Variants in FGGY observed in about 807,000 individuals in gnomAD.
FGGY encodes the protein FGGY carbohydrate kinase domain-containing protein.
FGGY carries 72 observed loss-of-function variants against 71.3 expected under a neutral mutation model. The observed-to-expected ratio is 1.01, with a 90% CI of 0.84 to 1.23. The LOEUF (loss-of-function observed/expected upper bound fraction) is 1.23. FGGY is among the 50% of genes most tolerant of loss of function. The probability of loss-of-function intolerance (pLI) is 0.00; values close to 1 mark genes in which losing one functional copy is unlikely to be tolerated. For missense variants in FGGY, 668 were observed against 682.3 expected, an observed-to-expected ratio of 0.98 and a Z score of 0.23; for synonymous variants, 251 against 250.3, an observed-to-expected ratio of 1.00 and a Z score of -0.02.
At chr1:59,508,545 C>T (rs1158705131) in intron 6 of FGGY, among the ~76,000 whole-genome samples, 1 of 152,202 alleles carries the variant, frequency 6.6e-6, no homozygotes, top group African/African-American at 2.4e-5. Flanking sequence ...ATGTTTGCCT[C>T]TGACAGCTCT....
chr1:59,686,513 T>A (rs542372208), intron 14 of FGGY, among the ~76,000 whole-genome samples: 1 of 152,332 alleles, frequency 6.6e-6, no homozygotes, highest in Admixed American at 6.5e-5. Context: ...TGTATTTTTT[T>A]CTCCATTTGG....
At chr1:59,461,085 A>C (rs2092162436) in intron 6 of FGGY, among the ~76,000 whole-genome samples, 1 of 152,244 alleles carries the variant, frequency 6.6e-6, no homozygotes, top group Non-Finnish European at 1.5e-5. Flanking sequence ...GAGTTGACAG[A>C]AGTAGGCTTC....
chr1:59,428,815 A>G (rs2066837238), intron 5 of FGGY, among the ~76,000 whole-genome samples: 2 of 152,214 alleles, frequency 1.3e-5, no homozygotes, highest in Non-Finnish European at 2.9e-5. Flanking sequence ...TGGTTTTGGT[A>G]CAAGTGAGTC....
rs559049747 is a variant in FGGY, at chr1:59,587,707, C to G, written c.904-20096C>G. 9.6e-4 allele frequency among the ~76,000 whole-genome samples: 146 copies of G among 152,304 alleles called. 1 individual carries two copies. The highest frequency in any genetic ancestry group is 1.9e-3 in the Admixed American group (29 of 15,306). On this transcript the variant is annotated intron_variant, in intron 8 of 15. Transcript: ENST00000303721. ...AACAGGGTCTGGAGTGGACCTCTAG[C>G]AAACTCCAACAGACCTGCAGCTGAG...
chr1:59,644,263 A>G (rs1428213865), intron 11 of FGGY, among the ~76,000 whole-genome samples: 1 of 152,212 alleles, frequency 6.6e-6, no homozygotes, highest in Non-Finnish European at 1.5e-5. Context: ...GGAACAGGAC[A>G]TAACCCAGGA....
intron 8 of FGGY, among the ~76,000 whole-genome samples, chr1:59,592,094 A>G (rs2096453332): frequency 6.6e-6 from 1 of 152,256 alleles, no homozygotes; most frequent in Admixed American, 6.5e-5. Context: ...AATTTACAAG[A>G]AAAAGCAACC....
At chr1:59,321,328 T>G (rs1466284767) in intron 1 of FGGY, among the ~76,000 whole-genome samples, 1 of 152,252 alleles carries the variant, frequency 6.6e-6, no homozygotes. Flanking sequence ...ATGCCATGTC[T>G]GAGGCCATAT....
At chr1:59,538,291 G>T (rs1166438225) in intron 7 of FGGY, among the ~76,000 whole-genome samples, 34 of 151,142 alleles carry the variant, frequency 2.2e-4, no homozygotes, top group African/African-American at 7.5e-4. Flanking sequence ...AAACCACAAT[G>T]AGATACCATC....
intron 1 of FGGY, among the ~76,000 whole-genome samples, chr1:59,319,989 A>G (rs2046109665): frequency 6.6e-6 from 1 of 152,202 alleles, no homozygotes; most frequent in Non-Finnish European, 1.5e-5. Flanking sequence ...TGTTGAATGA[A>G]TGAAGGAATG....
intron 11 of FGGY, among the ~76,000 whole-genome samples, chr1:59,644,560 C>T (rs532563650): frequency 3.1e-4 from 47 of 152,102 alleles, no homozygotes; most frequent in African/African-American, 7.0e-4. Context: ...TAATAACAGT[C>T]GGTCTCAAAA....
At chr1:59,308,771 T>C (rs916723923) in intron 1 of FGGY, among the ~76,000 whole-genome samples, 3 of 152,210 alleles carry the variant, frequency 2.0e-5, no homozygotes, top group Admixed American at 6.5e-5. Flanking sequence ...AGAACCACTG[T>C]ATTGCATGAA....
At chr1:59,465,625 A>C (rs540807710) in intron 6 of FGGY, among the ~76,000 whole-genome samples, 2 of 152,344 alleles carry the variant, frequency 1.3e-5, no homozygotes, top group East Asian at 3.9e-4. Context: ...CTCAGACCAA[A>C]ATCTCCTCAG....
intron 1 of FGGY, among the ~76,000 whole-genome samples, chr1:59,303,687 A>T (rs2043081441): frequency 3.3e-5 from 5 of 152,124 alleles, no homozygotes; most frequent in African/African-American, 1.2e-4. Flanking sequence ...ACTGTTTGCC[A>T]TAATGCTGTA....
chr1:59,311,448 T>G (rs1022553557), intron 1 of FGGY, among the ~76,000 whole-genome samples: 1 of 151,868 alleles, frequency 6.6e-6, no homozygotes, highest in African/African-American at 2.4e-5. Context: ...TGTGTCCATG[T>G]GATCTCATTG....
rs1571195022 is a variant in FGGY, at chr1:59,554,229, T to C, written c.903+2T>C. The C allele has an allele frequency of 6.2e-7, 1 of 1,610,328 alleles. No individual in the cohort carries two copies. ...GGAACGTCTTCTTGTCACATGGGGG[T>C]GAGTCCACTGAGCACAAAGGCAAGG... On this transcript the variant is annotated splice_donor_variant, in intron 8 of 15. Coordinates refer to ENST00000303721, the MANE Select transcript of FGGY (RefSeq NM_018291.5). LOFTEE classifies it high-confidence loss of function.
At chr1:59,681,102 A>G (rs2097493707) in intron 14 of FGGY, 2 of 152,194 alleles carry the variant, frequency 1.3e-5, no homozygotes, top group African/African-American at 2.4e-5. Context: ...ATCATAATAT[A>G]TGCCTGTTTA....
At chr1:59,499,846 C>G (rs753968870) in intron 6 of FGGY, among the ~76,000 whole-genome samples, 2 of 152,158 alleles carry the variant, frequency 1.3e-5, no homozygotes, top group African/African-American at 2.4e-5. Context: ...GTGAGTCATG[C>G]ATAGCAGCTT....
intron 8 of FGGY, among the ~76,000 whole-genome samples, chr1:59,592,655 A>T (rs1463954057): frequency 6.6e-6 from 1 of 152,152 alleles, no homozygotes; most frequent in Non-Finnish European, 1.5e-5. Context: ...TGAAATTGGA[A>T]ATCATTATTC....
chr1:59,533,724 C>G (rs1400409277), intron 7 of FGGY, among the ~76,000 whole-genome samples: 3 of 152,202 alleles, frequency 2.0e-5, no homozygotes, highest in Non-Finnish European at 2.9e-5. Flanking sequence ...GAGGCACCCC[C>G]CAGCAGGGGC....
Sources: allele counts gnomAD v4.1 joint callset (sites outside exome capture counted in the v4.1 genomes callset), GRCh38; gene constraint gnomAD v4.1.1; transcripts MANE v1.5; gene names NCBI Gene and HGNC (gene_info 2026-07-23, HGNC 2026-07-21).